RRAGB: variants seen among roughly 807,000 people sequenced by gnomAD.
RRAGB encodes ras-related GTP-binding protein B.
RRAGB carries 6 observed loss-of-function variants against 29.3 expected under a neutral mutation model. The ratio of observed to expected loss-of-function variants is 0.21; its 90% CI spans 0.11 to 0.40. RRAGB has a LOEUF of 0.40. Ranked by LOEUF, RRAGB falls within the 10% of genes least tolerant of loss-of-function variation. The pLI is 1.00. For missense variants in RRAGB, 184 were observed against 272.9 expected (o/e 0.67, Z 2.29); for synonymous variants, 101 against 92.5 (o/e 1.09, Z -0.53).
chrX:55,752,456 A>T (rs2034550633), intron 6 of RRAGB: 1 of 461,618 alleles, frequency 2.2e-6, no homozygotes. Context: ...CTGAACCCTC[A>T]TGCCTAAGTA....
At chrX:55,753,606 C>T in intron 7 of RRAGB, 92 bp downstream of exon 7, 1 of 887,844 alleles carries the variant, frequency 1.1e-6, no homozygotes, top group Non-Finnish European at 1.6e-6. Context: ...TCAGGAAGAA[C>T]CTTTTTCCCT....
intron 5 of RRAGB, among the ~76,000 whole-genome samples, chrX:55,749,174 C>T (rs1229978215): frequency 1.5e-4 from 14 of 93,550 alleles, no homozygotes; most frequent in Non-Finnish European, 1.3e-4. Flanking sequence ...CCGCCCCGTC[C>T]GGGAGGGAAG....
chrX:55,729,473 G>T lies in RRAGB; in HGVS notation c.293+113G>T, dbSNP rs762888922. 1.9e-5 allele frequency: 9 copies of T among 462,516 alleles called. No homozygotes were observed. In the East Asian group the frequency reaches 3.3e-4, roughly 17 times the overall value. 38.1% of individuals were successfully genotyped at this position (462,516 alleles called of 1,213,427 possible). A position where few individuals can be genotyped will look rare whatever the true frequency, so the allele number is the denominator to read the frequency against. ...ACTATCATTTGTAATAGATTGGATA[G>T]AATTACTTTAAAATTGACACTTGAG... On this transcript the variant is annotated intron_variant, in intron 4 of 9. Transcript: ENST00000374941.
At chrX:55,725,936 G>C (rs1275519913) in intron 3 of RRAGB, among the ~76,000 whole-genome samples, 4 of 110,834 alleles carry the variant, frequency 3.6e-5, no homozygotes, top group Non-Finnish European at 7.6e-5. Context: ...CTCTGTTCTT[G>C]GTTCTTTTTA....
At chrX:55,748,441 G>A (rs140298196) in intron 5 of RRAGB, among the ~76,000 whole-genome samples, 34,161 of 105,841 alleles carry the variant, frequency 0.32, 4,610 homozygotes, top group Middle Eastern at 0.47. Flanking sequence ...CTTCCCGGCC[G>A]CCATCCCATC....
chrX:55,744,579 C>T (rs1173913678), intron 5 of RRAGB, among the ~76,000 whole-genome samples: 1 of 110,121 alleles, frequency 9.1e-6, no homozygotes, highest in Non-Finnish European at 1.9e-5. Context: ...TAGCTCAGGT[C>T]TCATGGTTAC....
chrX:55,721,128 A>G (rs1452990027), intron 2 of RRAGB, among the ~76,000 whole-genome samples: 5 of 111,238 alleles, frequency 4.5e-5, no homozygotes, highest in African/African-American at 9.8e-5. Flanking sequence ...CTTGCTTTCT[A>G]TATTTGTTTT....
In RRAGB at chrX:55,731,740, CTT is replaced by C. The variant is rs768013898; in HGVS notation, c.516+157_516+158del. Reference sequence around the variant, plus strand: ...TTGTCATTTACTTTAACTAAACACTCTTTTAAACACATTTTCAATAAGGGAAA... The same window carrying C: ...TTGTCATTTACTTTAACTAAACACTCTTAAACACATTTTCAATAAGGGAAA... On this transcript the variant is annotated intron_variant, in intron 5 of 9. Coordinates refer to ENST00000374941, the MANE Select transcript of RRAGB (RefSeq NM_006064.5). 1.2e-4 allele frequency: 47 copies of C among 403,209 alleles called. No homozygotes were observed. In the South Asian group the frequency reaches 2.5e-3, roughly 21 times the overall value. 33.2% of individuals were successfully genotyped at this position (403,209 alleles called of 1,213,427 possible).
At chrX:55,752,260 G>A in intron 6 of RRAGB, 1 of 753,326 alleles carries the variant, frequency 1.3e-6, no homozygotes, top group Non-Finnish European at 1.6e-6. Context: ...CCGTGAATAA[G>A]GATGGACATG....
At chrX:55,723,803 C>A (rs1011446310) in intron 3 of RRAGB, among the ~76,000 whole-genome samples, 2 of 111,957 alleles carry the variant, frequency 1.8e-5, no homozygotes, top group African/African-American at 6.5e-5. Flanking sequence ...GGTGATCCGC[C>A]TGCCTCGGCC....
chrX:55,722,278 C>T lies in RRAGB; in HGVS notation c.219C>T (p.Gly73=), dbSNP rs755586227. Residue 73 remains glycine (G), a synonymous_variant, in exon 3 of 10, where the codon GGC becomes GGT. Coordinates refer to ENST00000374941, the MANE Select transcript of RRAGB (RefSeq NM_006064.5). The part of the protein sequence containing the change: ...NYIARDTRRL[G]ATIDVEHSHV... ...TTGCCAGAGACACACGTCGCCTTGG[C>T]GCAACAAGTAAGATGTTTTATCTTA... 2.5e-5 allele frequency: 29 copies of T among 1,153,192 alleles called. No individual in the cohort carries two copies. The highest frequency in any genetic ancestry group is 7.5e-5 in the South Asian group (4 of 53,660).
intron 5 of RRAGB, among the ~76,000 whole-genome samples, chrX:55,748,891 G>A (rs757355298): frequency 6.0e-5 from 6 of 100,489 alleles, no homozygotes; most frequent in Admixed American, 1.0e-4. Context: ...CCGGCCAGCC[G>A]CCCCATCCGG....
intron 5 of RRAGB, among the ~76,000 whole-genome samples, chrX:55,743,136 A>G (rs1343070233): frequency 8.9e-6 from 1 of 112,531 alleles, no homozygotes; most frequent in South Asian, 3.7e-4. Flanking sequence ...CATGAGGATG[A>G]GCCCATTGCC....
intron 5 of RRAGB, among the ~76,000 whole-genome samples, chrX:55,741,709 G>A (rs2034080502): frequency 1.8e-5 from 2 of 111,408 alleles, no homozygotes; most frequent in South Asian, 7.5e-4. Context: ...TTTATTTTAA[G>A]GCCTCCAACT....
chrX:55,730,630 C>A (rs1443123781), intron 4 of RRAGB, among the ~76,000 whole-genome samples: 1 of 111,687 alleles, frequency 9.0e-6, no homozygotes, highest in Non-Finnish European at 1.9e-5. Context: ...TAAAAAGTTA[C>A]CATTGGAGTC....
chrX:55,729,235 T>C, intron 3 of RRAGB, 59 bp from the exon 4 acceptor site: 1 of 850,426 alleles, frequency 1.2e-6, no homozygotes, highest in Non-Finnish European at 1.8e-6. Flanking sequence ...AGTGCTTTGC[T>C]TATTTTGAAT....
At chrX:55,724,833 A>G (rs1442480636) in intron 3 of RRAGB, among the ~76,000 whole-genome samples, 1 of 111,912 alleles carries the variant, frequency 8.9e-6, no homozygotes, top group Non-Finnish European at 1.9e-5. Context: ...AATATTACTC[A>G]GCTAGGAAGT....
chrX:55,731,479 C>T lies in RRAGB; in HGVS notation c.409C>T (p.His137Tyr), dbSNP rs41308046. Residue 137 changes from histidine (H) to tyrosine (Y), a missense_variant, in exon 5 of 10, where the codon CAC (histidine) becomes TAC (tyrosine). By Grantham distance (83) the His-to-Tyr change is moderately conservative. Transcript: ENST00000374941. ...GAGCCGCGAACTGGAAAAGGACATG[C>T]ACTATTACCAATCATGCCTGGAGGC... ...VESRELEKDM[H>Y]YYQSCLEAIL... is the part of the protein sequence containing the mutation. 1.2e-4 allele frequency: 140 copies of T among 1,205,064 alleles called. No individual in the cohort carries two copies. Among genetic ancestry groups the T allele is most frequent in the Non-Finnish European group, 1.5e-4 (136 of 891,160 alleles).
intron 5 of RRAGB, among the ~76,000 whole-genome samples, chrX:55,736,809 A>G (rs967112478): frequency 8.9e-6 from 1 of 112,315 alleles, no homozygotes; most frequent in African/African-American, 3.2e-5. Flanking sequence ...TTGTAGTAGC[A>G]GTGTGCTGGG....
Sources: gnomAD v4.1 joint callset for allele counts (sites outside exome capture counted in the v4.1 genomes callset) on GRCh38, gnomAD v4.1.1 for gene constraint, MANE v1.5 for transcripts, NCBI Gene and HGNC (gene_info 2026-07-23, HGNC 2026-07-21) for gene names.